Variants in PLCE1 observed in about 807,000 individuals in gnomAD.
The protein encoded by PLCE1 is phospholipase C epsilon 1, also known as 1-phosphatidylinositol 4,5-bisphosphate phosphodiesterase epsilon-1.
In PLCE1, 119 loss-of-function variants were observed where a neutral mutation model predicts 242.8. The observed-to-expected ratio is 0.49, with a 90% CI of 0.42 to 0.57. The LOEUF is 0.57. Ranked by LOEUF, PLCE1 falls within the 20% of genes least tolerant of loss-of-function variation. The probability of loss-of-function intolerance (pLI) is 0.00; values close to 1 mark genes in which losing one functional copy is unlikely to be tolerated. For synonymous variants in PLCE1, 945 were observed against 1,017.4 expected, an observed-to-expected ratio of 0.93 and a Z score of 1.35; for missense variants, 2,441 against 2,788.8, an observed-to-expected ratio of 0.88 and a Z score of 2.81.
At chr10:94,256,665 T>G (rs2051113602) in intron 11 of PLCE1, among the ~76,000 whole-genome samples, 1 of 152,192 alleles carries the variant, frequency 6.6e-6, no homozygotes, top group Admixed American at 6.6e-5. Context: ...TTCCCGTTTA[T>G]TTCAATCATT....
rs375039136 is a variant in PLCE1 at position 94,306,868 on chromosome 10, T to C, written c.5884+180T>C. Among the ~76,000 whole-genome samples the C allele has an allele frequency of 3.3e-5, 5 of 152,378 alleles. No individual in the cohort carries two copies. The highest frequency in any genetic ancestry group is 1.2e-4 in the African/African-American group (5 of 41,594). On this transcript the variant is annotated intron_variant, in intron 26 of 32. Transcript: ENST00000371380. The surrounding 1 kb of genome is among the most constrained non-coding windows in gnomAD (Gnocchi z 5.7). ...CACATCTCAAAAGAAGTTTTTCTTTTACATTTTTTAAGAATCTGAGGTATT... is the reference window on the plus strand; with the variant it reads ...CACATCTCAAAAGAAGTTTTTCTTTCACATTTTTTAAGAATCTGAGGTATT...
intron 2 of PLCE1, among the ~76,000 whole-genome samples, chr10:94,069,965 TC>T (rs2135090183): frequency 6.6e-6 from 1 of 152,288 alleles, no homozygotes; most frequent in Non-Finnish European, 1.5e-5. Flanking sequence ...AACTGGCAAC[TC>T]CTAAAATGAA....
intron 2 of PLCE1, among the ~76,000 whole-genome samples, chr10:94,041,328 C>T (rs2061764369): frequency 6.6e-6 from 1 of 152,166 alleles, no homozygotes; most frequent in Non-Finnish European, 1.5e-5. Flanking sequence ...TCCGCCTGAC[C>T]CTCAGAGCTT....
At chr10:94,269,089 T>A in intron 17 of PLCE1, 53 bp downstream of exon 17, 1 of 705,414 alleles carries the variant, frequency 1.4e-6, no homozygotes, top group Non-Finnish European at 2.4e-6. Flanking sequence ...ATTATCTTCA[T>A]TTGTCTTTTT....
At chr10:94,088,583 T>C (rs1056617442) in intron 2 of PLCE1, among the ~76,000 whole-genome samples, 10 of 152,228 alleles carry the variant, frequency 6.6e-5, no homozygotes, top group Admixed American at 4.6e-4. Flanking sequence ...AATTGGCCAC[T>C]GGCTTAAACA....
Position 94,054,844 on chromosome 10 carries a change from C to T in PLCE1, c.1206+22592C>T, listed in dbSNP as rs1257021885. 2.6e-5 allele frequency among the ~76,000 whole-genome samples: 4 copies of T among 152,034 alleles called. 1 individual carries two copies. The highest frequency in any genetic ancestry group is 2.0e-4 in the Admixed American group (3 of 15,266). ...TGGCTAACACCTTGAAACCCCATCT[C>T]TACTAAAAGTACAAAAAATTAGCTG... On this transcript the variant is annotated intron_variant, in intron 2 of 32. Coordinates refer to ENST00000371380, the MANE Select transcript of PLCE1 (RefSeq NM_016341.4).
At position 94,283,817 on chromosome 10, in the gene PLCE1, A is replaced by G. The variant is rs1443540342; in HGVS notation, c.4823A>G (p.Asn1608Ser). Residue 1608 changes from asparagine (N) to serine (S), a missense_variant, in exon 21 of 33, where the codon AAT (asparagine) becomes AGT (serine). By Grantham distance (46) the Asn-to-Ser change is conservative. Around this residue, in one of 5 missense-constraint regions of PLCE1, gnomAD observed 1,004 missense variants for 1,322.7 expected, o/e 0.76. Transcript: ENST00000371380. ...DDNILEDRPE[N>S]KSCNDKLQFE... ...AACATTCTGGAAGACAGACCTGAAA[A>G]TAAATCATGTAATGACAAGCTTCAG... The G allele has an allele frequency of 6.2e-7, 1 of 1,612,164 alleles. No homozygotes were observed.
chr10:94,187,903 C>T (rs2136547686), intron 4 of PLCE1, among the ~76,000 whole-genome samples: 1 of 152,196 alleles, frequency 6.6e-6, no homozygotes, highest in Middle Eastern at 3.4e-3. Flanking sequence ...GACAAAAATC[C>T]AGCCAAGAAG....
intron 2 of PLCE1, among the ~76,000 whole-genome samples, chr10:94,103,825 C>T (rs1299534493): frequency 1.3e-5 from 2 of 149,768 alleles, no homozygotes. Flanking sequence ...GTTCGAATAA[C>T]TCAAGCAAAG....
intron 3 of PLCE1, among the ~76,000 whole-genome samples, chr10:94,160,502 G>A (rs990349033): frequency 6.6e-6 from 1 of 152,110 alleles, no homozygotes; most frequent in Admixed American, 6.5e-5. Context: ...TGAGTTCATT[G>A]TAGATTCTGG....
intron 3 of PLCE1, among the ~76,000 whole-genome samples, chr10:94,156,922 A>AAT (rs1378044117): frequency 2.0e-5 from 3 of 152,120 alleles, no homozygotes; most frequent in Non-Finnish European, 4.4e-5. Flanking sequence ...GCAGAGACCA[A>AAT]ATATATATAT....
intron 2 of PLCE1, among the ~76,000 whole-genome samples, chr10:94,044,955 C>T (rs1003960961): frequency 5.3e-4 from 80 of 152,180 alleles, no homozygotes; most frequent in African/African-American, 1.8e-3. Flanking sequence ...GGTAACTTTA[C>T]GAACTATAGA....
intron 1 of PLCE1, among the ~76,000 whole-genome samples, chr10:94,024,418 G>A (rs1388630552): frequency 1.3e-5 from 2 of 152,148 alleles, no homozygotes; most frequent in African/African-American, 4.8e-5. Flanking sequence ...GAGGACTTCA[G>A]ATGAATTCAT....
Position 94,030,346 on chromosome 10 carries a change from G to A in PLCE1, c.-364-337G>A, listed in dbSNP as rs538146876. Among the ~76,000 whole-genome samples the A allele has an allele frequency of 9.9e-5, 15 of 151,900 alleles. No individual in the cohort carries two copies. In the South Asian group the frequency reaches 2.5e-3, roughly 25 times the overall value. On this transcript the variant is annotated intron_variant, in intron 1 of 32. Coordinates refer to ENST00000371380, the MANE Select transcript of PLCE1 (RefSeq NM_016341.4). ...GAAACTTTCTAAGCAGTAAGCTAGG[G>A]CATTTATAGGGCTCACTTCTTTTTT...
At chr10:94,206,047 T>C (rs1329125773) in intron 4 of PLCE1, among the ~76,000 whole-genome samples, 1 of 152,096 alleles carries the variant, frequency 6.6e-6, no homozygotes, top group Non-Finnish European at 1.5e-5. Context: ...AAGATAAATA[T>C]ACCCTATGAT....
At chr10:94,322,513 G>A (rs552590600) in intron 30 of PLCE1, among the ~76,000 whole-genome samples, 13 of 152,172 alleles carry the variant, frequency 8.5e-5, no homozygotes, top group African/African-American at 2.6e-4. Flanking sequence ...TGCTGGGCAC[G>A]GGGGTTCACG....
chr10:94,219,671 C>T (rs77533189), intron 4 of PLCE1, among the ~76,000 whole-genome samples: 4,054 of 151,992 alleles, frequency 0.027, 104 homozygotes, highest in African/African-American at 0.073. Flanking sequence ...AAAACAAAAC[C>T]CCCTACACAA....
At chr10:94,123,976 G>A (rs749261316) in intron 2 of PLCE1, among the ~76,000 whole-genome samples, 4 of 152,156 alleles carry the variant, frequency 2.6e-5, no homozygotes, top group Non-Finnish European at 4.4e-5. Context: ...AATGGCAGCT[G>A]ATACTGAAGG....
At chr10:94,067,772 CT>C (rs1253938485) in intron 2 of PLCE1, among the ~76,000 whole-genome samples, 1 of 152,160 alleles carries the variant, frequency 6.6e-6, no homozygotes, top group African/African-American at 2.4e-5. Context: ...AGAAATACTC[CT>C]TCTTCCTCTG....
Sources: gnomAD v4.1 joint callset for allele counts (sites outside exome capture counted in the v4.1 genomes callset) on GRCh38, gnomAD v4.1.1 for gene constraint, gnomAD v4.1.1 regional missense constraint, Gnocchi (gnomAD v3.1) non-coding constraint, MANE v1.5 for transcripts, NCBI Gene and HGNC (gene_info 2026-07-23, HGNC 2026-07-21) for gene names.